Variants in DHX37 observed in about 807,000 individuals in gnomAD.
DHX37 encodes the protein probable ATP-dependent RNA helicase DHX37.
In DHX37, 52 loss-of-function variants were observed where a neutral mutation model predicts 134.3. That is an observed-to-expected ratio of 0.39 (90% CI 0.31 to 0.49). The LOEUF is 0.49. Among genes scored for constraint, DHX37 ranks in the 20% least tolerant of loss-of-function variants. The pLI, the probability that DHX37 is intolerant of heterozygous loss-of-function variation, is 0.93. For synonymous variants in DHX37, 634 were observed against 670.7 expected (o/e 0.95, Z 0.85); for missense variants, 1,344 against 1,580.8 (o/e 0.85, Z 2.54).
chr12:124,971,540 A>G, intron 7 of DHX37, 125 bp from the exon 8 acceptor site: 1 of 1,460,504 alleles, frequency 6.8e-7, no homozygotes, highest in South Asian at 1.3e-5. Context: ...ATCAGAGGTG[A>G]GCTGCTCAAC....
chr12:124,965,760 C>A lies in DHX37; in HGVS notation c.1643G>T (p.Gly548Val). 6.2e-7 allele frequency: 1 copy of A among 1,613,740 alleles called. No individual in the cohort carries two copies. Among genetic ancestry groups the A allele is most frequent in the South Asian group, 1.1e-5 (1 of 91,022 alleles). Residue 548 changes from glycine to valine, a missense_variant, in exon 13 of 27, where the codon GGC becomes GTC. By Grantham distance (109) the Gly-to-Val change is moderately radical. This residue lies in a region of DHX37 where 289 missense variants were observed against 323.8 expected (regional missense o/e 0.89). Transcript: ENST00000308736. ...CACTTCTGCCTCCCTGTCCTCATCG[C>A]CTTCGCCTGCCGGTAACACCGAGTA... ...DHYSVLPAGE[G>V]DEDREAEVDE...
intron 1 of DHX37, among the ~76,000 whole-genome samples, chr12:124,987,982 T>C (rs1954906564): frequency 7.0e-6 from 1 of 143,528 alleles, no homozygotes. Flanking sequence ...AGCCTGTCTG[T>C]GGAACTTTTT....
intron 6 of DHX37, among the ~76,000 whole-genome samples, chr12:124,974,965 A>G (rs1954602955): frequency 6.6e-6 from 1 of 152,040 alleles, no homozygotes; most frequent in Non-Finnish European, 1.5e-5. Context: ...TAGTAGAGAC[A>G]GGGTTTCTCC....
chr12:124,988,997 T>C lies in DHX37; in HGVS notation c.26A>G (p.Asn9Ser), dbSNP rs769656413. The change falls in exon 1 of 27, where the codon AAC becomes AGC. Residue 9 changes from asparagine (N) to serine (S), a missense_variant. Transcript: ENST00000308736. MGKLRRRY[N>S]IKGRQQAGPG... ...GCCCGCCTGCTGGCGCCCCTTGATGTTGTAGCGCCGGCGCAGCTTCCCCAT... is the reference window on the plus strand; with the variant it reads ...GCCCGCCTGCTGGCGCCCCTTGATGCTGTAGCGCCGGCGCAGCTTCCCCAT... The C allele has an allele frequency of 2.9e-6, 4 of 1,371,652 alleles. No homozygotes were observed. The highest frequency in any genetic ancestry group is 2.8e-5 in the East Asian group (1 of 36,098). 85.0% of individuals were successfully genotyped at this position (1,371,652 alleles called of 1,614,324 possible).
intron 1 of DHX37, 94 bp downstream of exon 1, chr12:124,988,822 AC>A: frequency 1.5e-6 from 1 of 677,972 alleles, no homozygotes; most frequent in Non-Finnish European, 2.2e-6. Flanking sequence ...GATCCATCCC[AC>A]CCCTCTGGGA....
chr12:124,973,274 G>A (rs1954557972), intron 6 of DHX37, among the ~76,000 whole-genome samples: 4 of 151,730 alleles, frequency 2.6e-5, no homozygotes, highest in Admixed American at 2.0e-4. Context: ...AAATTAGCCG[G>A]GCACCTGCAA....
intron 1 of DHX37, among the ~76,000 whole-genome samples, chr12:124,986,648 T>C (rs1594517126): frequency 1.3e-5 from 2 of 148,556 alleles, no homozygotes; most frequent in East Asian, 4.0e-4. Flanking sequence ...GAGGTGGAGG[T>C]TGCAGTGAGC....
At chr12:124,973,072 G>A (rs1003782485) in intron 6 of DHX37, among the ~76,000 whole-genome samples, 2 of 152,244 alleles carry the variant, frequency 1.3e-5, no homozygotes, top group African/African-American at 4.8e-5. Context: ...TGCCCAAGAG[G>A]TTGAGGCTGC....
In DHX37 at chr12:124,964,487, C is replaced by T. The variant is rs1954337593; in HGVS notation, c.1952G>A (p.Gly651Asp). The change falls in exon 15 of 27, where the codon GGC becomes GAC. Residue 651 changes from glycine to aspartate, a missense_variant. This residue lies in a region of DHX37 where 39 missense variants were observed against 87.9 expected (regional missense o/e 0.44). Coordinates refer to ENST00000308736, the MANE Select transcript of DHX37 (RefSeq NM_032656.4). The stretch of plus-strand genomic sequence containing the variant: ...CCAGGTGACACGGAAGGAGGATACG[C>T]CAGTGACGCGGTCGTAGTAGCGTTT... ...VKKRYYDRVTGVSSFRVTWVS... is the reference protein window; with the variant it reads ...VKKRYYDRVTDVSSFRVTWVS... 1.2e-6 allele frequency: 2 copies of T among 1,614,102 alleles called. No homozygotes were observed. The highest frequency in any genetic ancestry group is 1.3e-5 in the African/African-American group (1 of 74,946).
In DHX37 at chr12:124,980,725, T is replaced by G; in HGVS notation, c.503A>C (p.Glu168Ala). The change falls in exon 4 of 27, where the codon GAG (glutamate) becomes GCG (alanine). Residue 168 changes from glutamate to alanine, a missense_variant. Physicochemically the swap from Glu to Ala is moderately radical, Grantham distance 107 (BLOSUM62 -1). Around this residue, in one of 7 missense-constraint regions of DHX37, gnomAD observed 319 missense variants for 296.1 expected, o/e 1.08. Coordinates refer to ENST00000308736, the MANE Select transcript of DHX37 (RefSeq NM_032656.4). This position sits in a 1 kb window ranked among gnomAD's most constrained non-coding sequence, Gnocchi z 5.3. ...CTCCTCCTCCAGCTCCGATTCCGAC[T>G]CCTCCTCCTCCTCCTCCTCCTCCTC... is the stretch of plus-strand genomic sequence containing the variant. ...SAEEEEEEEE[E>A]SESELEEESE... 7.9e-7 allele frequency: 1 copy of G among 1,260,356 alleles called. No homozygotes were observed. Among genetic ancestry groups the G allele is most frequent in the African/African-American group, 1.5e-5 (1 of 64,560 alleles). The allele number at this position is 1,260,356 out of a possible 1,614,324, so 78.1% of individuals were successfully genotyped here.
chr12:124,977,208 C>T lies in DHX37; in HGVS notation c.887+134G>A. On this transcript the variant is annotated intron_variant, in intron 5 of 26. Transcript: ENST00000308736. ...GCTGGGGCCCAGAGAGGTTAAGTAG[C>T]TTGTCTGAAGTCACACAGCATGCAC... 6 of 1,134,826 alleles carry T rather than the reference C, an allele frequency of 5.3e-6. No individual in the cohort carries two copies. The South Asian group carries it at 1.2e-4, about 23-fold the overall frequency. The allele number at this position is 1,134,826 out of a possible 1,614,324, so 70.3% of individuals were successfully genotyped here.
At position 124,980,504 on chromosome 12, in the gene DHX37, A is replaced by T. The variant is rs1470134898; in HGVS notation, c.724T>A (p.Ser242Thr). 1.2e-6 allele frequency: 2 copies of T among 1,607,986 alleles called. No individual in the cohort carries two copies. The highest frequency in any genetic ancestry group is 1.7e-6 in the Non-Finnish European group (2 of 1,178,480). Residue 242 changes from serine (S) to threonine (T), a missense_variant, in exon 4 of 27, where the codon TCC becomes ACC. Transcript: ENST00000308736. This position sits in a 1 kb window ranked among gnomAD's most constrained non-coding sequence, Gnocchi z 5.3. Reference sequence around the variant, plus strand: ...GGGTGGCGAACCTGCATTTCCGGGGAGCGGTTCACGGGGATGAAGACGGCG... The same window carrying T: ...GGGTGGCGAACCTGCATTTCCGGGGTGCGGTTCACGGGGATGAAGACGGCG... ...KPAVFIPVNRSPEMQEERLKL... is the reference protein window; with the variant it reads ...KPAVFIPVNRTPEMQEERLKL...
At chr12:124,961,268 ACGCGTGCACGCACACACACT>A (rs1386071575) in intron 15 of DHX37, among the ~76,000 whole-genome samples, 17 of 100,296 alleles carry the variant, frequency 1.7e-4, no homozygotes, top group East Asian at 8.4e-4. Context: ...ACACACATAC[ACGCGTGCACGCACACACACT>A]TACACGCGTG....
Position 124,961,247 on chromosome 12 carries a change from TGCAC to T in DHX37, c.2046-828_2046-825del, listed in dbSNP as rs758336884. Among the ~76,000 whole-genome samples, 634 of 106,498 alleles carry T rather than the reference TGCAC, an allele frequency of 6.0e-3. 4 individuals are homozygous for T. The highest frequency in any genetic ancestry group is 0.023 in the African/African-American group (588 of 25,132). The allele number at this position is 106,498 out of a possible 152,430, so 69.9% of individuals were successfully genotyped here. A position where few individuals can be genotyped will look rare whatever the true frequency, so the allele number is the denominator to read the frequency against. On this transcript the variant is annotated intron_variant, in intron 15 of 26. Coordinates refer to ENST00000308736, the MANE Select transcript of DHX37 (RefSeq NM_032656.4). The stretch of plus-strand genomic sequence containing the variant: ...ACGCACGCACACACACATACACGCG[TGCAC>T]GCACGCACACACATACACGCGTGCA...
rs370124546 is a variant in DHX37 at position 124,950,228 on chromosome 12, G to A, written c.3137C>T (p.Pro1046Leu). 1.2e-5 allele frequency: 20 copies of A among 1,613,642 alleles called. No individual in the cohort carries two copies. Among genetic ancestry groups the A allele is most frequent in the Middle Eastern group, 1.6e-4 (1 of 6,084 alleles). The stretch of plus-strand genomic sequence containing the variant: ...AAAATCCACCTCGATGGCGGGGAGC[G>A]GCCAGCCCACGCGATCTAGAAGGTG... ...RASVFYRVGW[P>L]LPAIEVDFPE... The change falls in exon 24 of 27, where the codon CCG (proline) becomes CTG (leucine). Residue 1046 changes from proline to leucine, a missense_variant. This residue lies in a region of DHX37 where 558 missense variants were observed against 650.0 expected (regional missense o/e 0.86). Transcript: ENST00000308736.
chr12:124,954,497 C>G (rs1046921961), intron 18 of DHX37, among the ~76,000 whole-genome samples: 11 of 151,918 alleles, frequency 7.2e-5, no homozygotes, highest in African/African-American at 2.4e-4. Context: ...GGGTTCACAC[C>G]ATTCTCCTGA....
intron 10 of DHX37, among the ~76,000 whole-genome samples, chr12:124,967,811 G>A (rs1309337174): frequency 6.6e-6 from 1 of 152,188 alleles, no homozygotes; most frequent in Non-Finnish European, 1.5e-5. Flanking sequence ...GCTCACACTT[G>A]TAATTCCAGC....
intron 26 of DHX37, 83 bp from the exon 27 acceptor site, chr12:124,947,970 C>A (rs1033200273): frequency 1.2e-6 from 2 of 1,611,938 alleles, no homozygotes; most frequent in Non-Finnish European, 1.7e-6. Flanking sequence ...TGGCCAGCAG[C>A]CGTGGGGCCA....
intron 5 of DHX37, 37 bp from the exon 6 acceptor site, chr12:124,975,548 G>A: frequency 1.9e-6 from 3 of 1,600,340 alleles, no homozygotes; most frequent in Middle Eastern, 1.7e-4. Flanking sequence ...ACAGTGCGCG[G>A]CCCCACCTGT....
Sources: allele counts gnomAD v4.1 joint callset (sites outside exome capture counted in the v4.1 genomes callset), GRCh38; gene constraint gnomAD v4.1.1; regional missense constraint gnomAD v4.1.1; non-coding constraint Gnocchi (gnomAD v3.1); transcripts MANE v1.5; gene names NCBI Gene and HGNC (gene_info 2026-07-23, HGNC 2026-07-21).